The following DCTN1 variants were observed in gnomAD, a reference collection of about 807,000 sequenced individuals.
The protein encoded by DCTN1 is dynactin subunit 1.
In DCTN1, 61 loss-of-function variants were observed where a neutral mutation model predicts 161.2. The observed-to-expected ratio is 0.38, with a 90% CI of 0.31 to 0.47. The LOEUF (loss-of-function observed/expected upper bound fraction) is 0.47, where lower values mean the gene tolerates loss of function less well. Ranked by LOEUF, DCTN1 falls within the 20% of genes least tolerant of loss-of-function variation. The pLI is 0.99. For synonymous variants in DCTN1, 653 were observed against 632.4 expected, an observed-to-expected ratio of 1.03 and a Z score of -0.49; for missense variants, 1,404 against 1,623.7, an observed-to-expected ratio of 0.86 and a Z score of 2.33.
intron 1 of DCTN1, among the ~76,000 whole-genome samples, chr2:74,388,057 G>C (rs1381156343): frequency 1.3e-5 from 2 of 151,972 alleles, no homozygotes; most frequent in East Asian, 3.9e-4. Flanking sequence ...TGGTGGTGGT[G>C]CATGCCTATA....
upstream of DCTN1, among the ~76,000 whole-genome samples, chr2:74,382,287 A>G (rs1402720383): frequency 6.6e-6 from 1 of 152,234 alleles, no homozygotes; most frequent in Non-Finnish European, 1.5e-5. Flanking sequence ...ATGAGGTTCA[A>G]AAAAGCTAAA....
intron 3 of DCTN1, 59 bp downstream of exon 3, chr2:74,377,589 A>T (rs1389807646): frequency 2.0e-5 from 31 of 1,540,392 alleles, no homozygotes; most frequent in Middle Eastern, 1.7e-4. Flanking sequence ...TGTTATGAGG[A>T]GAAGTCCTGG....
chr2:74,363,493 T>C, intron 27 of DCTN1, 66 bp from the exon 28 acceptor site: 1 of 1,602,622 alleles, frequency 6.2e-7, no homozygotes, highest in Non-Finnish European at 8.5e-7. Context: ...GCTCCATTCC[T>C]ACTCTTCCCC....
chr2:74,381,275 G>A (rs59046856), upstream of DCTN1, among the ~76,000 whole-genome samples: 1,249 of 152,268 alleles, frequency 8.2e-3, 14 homozygotes, highest in African/African-American at 0.029. Context: ...TCTGACCTAT[G>A]GCTCCACTGA....
At chr2:74,374,499 T>A in intron 5 of DCTN1, 159 bp from the exon 6 acceptor site, 1 of 1,491,292 alleles carries the variant, frequency 6.7e-7, no homozygotes. Flanking sequence ...GTGCATCAAA[T>A]CCCAACAATG....
At chr2:74,366,419 T>C (rs544884838) in intron 22 of DCTN1, 40 bp downstream of exon 22, 2 of 1,614,190 alleles carry the variant, frequency 1.2e-6, no homozygotes, top group South Asian at 1.1e-5. Context: ...CACTGGTCAC[T>C]AACTCTCCCC....
rs1211628885 is a variant in DCTN1, at chr2:74,369,952, GCTCTT to G, written c.1392+8_1392+12del. 1 of 1,612,380 alleles carries G rather than the reference GCTCTT, an allele frequency of 6.2e-7. No individual in the cohort carries two copies. Among genetic ancestry groups the G allele is most frequent in the Middle Eastern group, 1.7e-4 (1 of 6,056 alleles). Reference sequence around the variant, plus strand: ...GGTCCAAGTCAGATGTCAGGGGTCTGCTCTTCTCTTACCAAGTCTCCCACAGTCTC... The same window carrying G: ...GGTCCAAGTCAGATGTCAGGGGTCTGCTCTTACCAAGTCTCCCACAGTCTC... On this transcript the variant is annotated splice_region_variant and intron_variant, in intron 13 of 31. Coordinates refer to ENST00000628224, the MANE Select transcript of DCTN1 (RefSeq NM_004082.5). This position sits in a 1 kb window ranked among gnomAD's most constrained non-coding sequence, Gnocchi z 4.9.
rs1461871147 is a variant in DCTN1, at chr2:74,380,010, T to C, written c.28A>G (p.Ser10Gly). MAQSKRHVYSRTPSGSRMSA... is the reference protein window; with the variant it reads MAQSKRHVYGRTPSGSRMSA... Reference sequence around the variant, plus strand: ...CCCAGATTAGGGCCACTTACCCGGCTGTACACGTGCCTCTTGCTCTGTGCC... The same window carrying C: ...CCCAGATTAGGGCCACTTACCCGGCCGTACACGTGCCTCTTGCTCTGTGCC... The change falls in exon 1 of 32, where the codon AGC (serine) becomes GGC (glycine). Residue 10 changes from serine (S) to glycine (G), a missense_variant. By Grantham distance (56) the Ser-to-Gly change is moderately conservative. This residue lies in a region of DCTN1 where 53 missense variants were observed against 54.4 expected (regional missense o/e 0.97). Coordinates refer to ENST00000628224, the MANE Select transcript of DCTN1 (RefSeq NM_004082.5). 9.3e-6 allele frequency: 15 copies of C among 1,614,174 alleles called. No homozygotes were observed. The highest frequency in any genetic ancestry group is 1.3e-5 in the Non-Finnish European group (15 of 1,180,000).
chr2:74,372,981 G>A (rs755436929), intron 6 of DCTN1, 33 bp from the exon 7 acceptor site: 2 of 1,611,618 alleles, frequency 1.2e-6, no homozygotes, highest in Non-Finnish European at 8.5e-7. Context: ...AAGAGAAGTA[G>A]TCAGGAAAGA....
At chr2:74,386,506 T>C (rs571183080) in intron 1 of DCTN1, 25 of 152,332 alleles carry the variant, frequency 1.6e-4, no homozygotes, top group African/African-American at 4.8e-4. Flanking sequence ...AGGCTTATAG[T>C]GTAGGATTTC....
chr2:74,376,875 G>T, intron 4 of DCTN1, 113 bp from the exon 5 acceptor site: 1 of 901,720 alleles, frequency 1.1e-6, no homozygotes. Context: ...GTCAGGGTGA[G>T]ATGAGTAGCC....
Position 74,366,381 on chromosome 2 carries a change from G to A in DCTN1, c.2629-6C>T. The A allele has an allele frequency of 1.2e-6, 2 of 1,614,210 alleles. No homozygotes were observed. The highest frequency in any genetic ancestry group is 2.2e-5 in the South Asian group (2 of 91,084). ...CTGGAGGGGGTCCCATAGATCTGCA[G>A]GAGCCAAGGGCAGAAGTAAAAGCCC... is the stretch of plus-strand genomic sequence containing the variant. On this transcript the variant is annotated splice_polypyrimidine_tract_variant and splice_region_variant and intron_variant, in intron 22 of 31. Transcript: ENST00000628224.
intron 7 of DCTN1, 42 bp from the exon 8 acceptor site, chr2:74,371,770 G>A: frequency 3.3e-6 from 5 of 1,510,994 alleles, no homozygotes; most frequent in Non-Finnish European, 4.5e-6. Context: ...GAAAGCAGAG[G>A]ATAGGGGTAG....
chr2:74,363,811 G>C, intron 26 of DCTN1, 183 bp from the exon 27 acceptor site: 1 of 787,800 alleles, frequency 1.3e-6, no homozygotes, highest in Non-Finnish European at 2.2e-6. Context: ...GCAGATAAGT[G>C]TTAAAGAAAG....
At chr2:74,376,591 A>AG in intron 5 of DCTN1, 151 bp downstream of exon 5, 1 of 742,490 alleles carries the variant, frequency 1.3e-6, no homozygotes, top group Non-Finnish European at 2.4e-6. Flanking sequence ...CACCCTTCAA[A>AG]GGAACTCTGA....
chr2:74,368,038 G>C lies in DCTN1; in HGVS notation c.1948C>G (p.Leu650Val). Residue 650 changes from leucine (L) to valine (V), a missense_variant, in exon 17 of 32, where the codon CTC becomes GTC. By Grantham distance (32) the Leu-to-Val change is conservative (BLOSUM62 1). Around this residue, in one of 9 missense-constraint regions of DCTN1, gnomAD observed 475 missense variants for 489.8 expected, o/e 0.97. Transcript: ENST00000628224. ...TACACCAGTCCAGCAGCAAAGCTGA[G>C]TTGCTCCCCAGCAGCTCCTCGCAGC... Reference protein sequence around the residue: ...PGLRGAAGEQLSFAAGLVYSL... With the variant: ...PGLRGAAGEQVSFAAGLVYSL... 1 of 1,614,172 alleles carries C rather than the reference G, an allele frequency of 6.2e-7. No homozygotes were observed.
intron 31 of DCTN1, 108 bp downstream of exon 31, chr2:74,361,944 G>A: frequency 1.7e-6 from 2 of 1,202,172 alleles, no homozygotes; most frequent in Non-Finnish European, 2.5e-6. Flanking sequence ...CCCAAGGTAT[G>A]CAGTTGTTAG....
In DCTN1 at chr2:74,369,836, A is replaced by AT; in HGVS notation, c.1392+128_1392+129insA. On this transcript the variant is annotated intron_variant, in intron 13 of 31. Transcript: ENST00000628224. The surrounding 1 kb of genome is among the most constrained non-coding windows in gnomAD (Gnocchi z 4.9). The stretch of plus-strand genomic sequence containing the variant: ...TCTCAGAAAAAAAAAAAAAAAAAAA[A>AT]GGCAGGGTCAGGGTAGCAAGCCCAG... 1.2e-5 allele frequency: 10 copies of AT among 817,342 alleles called. No homozygotes were observed. Among genetic ancestry groups the AT allele is most frequent in the Non-Finnish European group, 2.0e-5 (10 of 509,008 alleles). The allele number at this position is 817,342 out of a possible 1,614,324, so 50.6% of individuals were successfully genotyped here.
At chr2:74,362,514 G>A in intron 30 of DCTN1, 136 bp downstream of exon 30, 2 of 899,234 alleles carry the variant, frequency 2.2e-6, no homozygotes, top group African/African-American at 1.6e-5. Flanking sequence ...AGCTTCCAAG[G>A]CAAGAACCCT....
Sources: gnomAD v4.1 joint callset for allele counts (sites outside exome capture counted in the v4.1 genomes callset) on GRCh38, gnomAD v4.1.1 for gene constraint, gnomAD v4.1.1 regional missense constraint, Gnocchi (gnomAD v3.1) non-coding constraint, MANE v1.5 for transcripts, NCBI Gene and HGNC (gene_info 2026-07-23, HGNC 2026-07-21) for gene names.